The following PLCL1 variants were observed in gnomAD, a reference collection of about 807,000 sequenced individuals.
PLCL1 encodes inactive phospholipase C-like protein 1.
In PLCL1, 41 loss-of-function variants were observed where a neutral mutation model predicts 84.4. That is an observed-to-expected ratio of 0.49 (90% CI 0.38 to 0.63). The LOEUF is 0.63. Among genes scored for constraint, PLCL1 ranks in the 30% least tolerant of loss-of-function variants. The pLI is 0.00. For missense variants in PLCL1, 1,206 were observed against 1,367.8 expected (o/e 0.88, Z 1.87); for synonymous variants, 490 against 488.3 (o/e 1.00, Z -0.05).
intron 1 of PLCL1, among the ~76,000 whole-genome samples, chr2:197,998,541 T>C (rs1690523500): frequency 6.6e-6 from 1 of 152,160 alleles, no homozygotes; most frequent in South Asian, 2.1e-4. Context: ...CCACTCGAAC[T>C]ACTTCCTCTC....
chr2:197,962,275 C>T lies in PLCL1; in HGVS notation c.241-121483C>T, dbSNP rs77611317. Among the ~76,000 whole-genome samples, 1,454 of 152,126 alleles carry T rather than the reference C, an allele frequency of 9.6e-3. 28 individuals carry two copies. Among genetic ancestry groups the T allele is most frequent in the African/African-American group, 0.033 (1,383 of 41,534 alleles). The stretch of plus-strand genomic sequence containing the variant: ...CAGAGTCACCACTTGCAGTTTGGGA[C>T]ATTTAAAGTGGAGTAAAATATAAAT... On this transcript the variant is annotated intron_variant, in intron 1 of 5. Coordinates refer to ENST00000428675, the MANE Select transcript of PLCL1 (RefSeq NM_006226.4).
chr2:198,128,349 G>A (rs991933022), intron 5 of PLCL1, among the ~76,000 whole-genome samples: 1 of 152,112 alleles, frequency 6.6e-6, no homozygotes, highest in Non-Finnish European at 1.5e-5. Context: ...AATTCGCACA[G>A]AGCCAGCTGT....
At chr2:198,038,558 A>AAG (rs1691594427) in intron 1 of PLCL1, among the ~76,000 whole-genome samples, 1 of 152,134 alleles carries the variant, frequency 6.6e-6, no homozygotes, top group Non-Finnish European at 1.5e-5. Flanking sequence ...ATGTTCTCTT[A>AAG]GGCTTGGTCC....
chr2:197,825,089 G>C lies in PLCL1; in HGVS notation c.240+19750G>C, dbSNP rs537275617. 7.2e-5 allele frequency among the ~76,000 whole-genome samples: 11 copies of C among 152,244 alleles called. No homozygotes were observed. In the East Asian group the frequency reaches 2.1e-3, roughly 29 times the overall value. On this transcript the variant is annotated intron_variant, in intron 1 of 5. Transcript: ENST00000428675. Reference sequence around the variant, plus strand: ...GCCTTAGGTGTTTGTCACCTGCCAGGTTCTCGTGGGTAAGACACAAGTCAG... The same window carrying C: ...GCCTTAGGTGTTTGTCACCTGCCAGCTTCTCGTGGGTAAGACACAAGTCAG...
At chr2:197,807,777 A>T (rs1334846965) in intron 1 of PLCL1, among the ~76,000 whole-genome samples, 5 of 152,242 alleles carry the variant, frequency 3.3e-5, no homozygotes, top group Non-Finnish European at 7.3e-5. Flanking sequence ...TGTTCCAAAT[A>T]GCTGTAGTGC....
chr2:198,109,785 T>C (rs1329686302), intron 5 of PLCL1, among the ~76,000 whole-genome samples: 2 of 151,874 alleles, frequency 1.3e-5, no homozygotes, highest in East Asian at 3.9e-4. Flanking sequence ...GGGAGCATTT[T>C]AGTGAGCTTT....
In PLCL1 at chr2:197,833,610, CAA is replaced by C. The variant is rs377065593; in HGVS notation, c.240+28272_240+28273del. Among the ~76,000 whole-genome samples, 36 of 152,246 alleles carry C rather than the reference CAA, an allele frequency of 2.4e-4. 1 individual carries two copies. In the East Asian group the frequency reaches 5.8e-3, roughly 25 times the overall value. On this transcript the variant is annotated intron_variant, in intron 1 of 5. Transcript: ENST00000428675. ...AAAAAGAATAAAATACACAGGAATACAACTTACAAGGGATGTGAAGGACCTCT... is the reference window on the plus strand; with the variant it reads ...AAAAAGAATAAAATACACAGGAATACCTTACAAGGGATGTGAAGGACCTCT...
chr2:197,913,260 C>T (rs1480046305), intron 1 of PLCL1, among the ~76,000 whole-genome samples: 1 of 152,184 alleles, frequency 6.6e-6, no homozygotes, highest in East Asian at 1.9e-4. Context: ...TATTTGGACT[C>T]CAAGGGCCAG....
chr2:197,943,564 C>T (rs888728444), intron 1 of PLCL1, among the ~76,000 whole-genome samples: 6 of 149,678 alleles, frequency 4.0e-5, no homozygotes, highest in Non-Finnish European at 7.4e-5. Context: ...AAACCTTATA[C>T]TTCCTATACC....
intron 1 of PLCL1, among the ~76,000 whole-genome samples, chr2:197,867,605 T>C (rs1368146992): frequency 6.6e-6 from 1 of 152,156 alleles, no homozygotes; most frequent in Non-Finnish European, 1.5e-5. Context: ...AATGAGAACT[T>C]TCATATGCTA....
intron 1 of PLCL1, among the ~76,000 whole-genome samples, chr2:197,909,454 C>T (rs767975927): frequency 8.5e-5 from 13 of 152,120 alleles, no homozygotes; most frequent in East Asian, 1.9e-4. Flanking sequence ...TAGGTGTTCT[C>T]GGTCATTCCC....
chr2:198,003,444 C>T (rs780371039), intron 1 of PLCL1, among the ~76,000 whole-genome samples: 1 of 152,180 alleles, frequency 6.6e-6, no homozygotes, highest in Non-Finnish European at 1.5e-5. Context: ...ATCCTTGGAC[C>T]TGTCACATCT....
chr2:198,118,830 G>C (rs1693804286), intron 5 of PLCL1, among the ~76,000 whole-genome samples: 2 of 151,914 alleles, frequency 1.3e-5, no homozygotes, highest in East Asian at 1.9e-4. Flanking sequence ...GCATTTTTCT[G>C]TCTCTAACCT....
chr2:197,873,645 T>A (rs1019015260), intron 1 of PLCL1, among the ~76,000 whole-genome samples: 1 of 152,124 alleles, frequency 6.6e-6, no homozygotes, highest in Non-Finnish European at 1.5e-5. Context: ...CGGTCTACAA[T>A]GTCATACAGC....
intron 1 of PLCL1, among the ~76,000 whole-genome samples, chr2:198,042,824 G>A (rs1484246077): frequency 6.6e-6 from 1 of 152,146 alleles, no homozygotes; most frequent in Non-Finnish European, 1.5e-5. Context: ...GATGCCACCA[G>A]TTATTTGAGA....
At chr2:197,964,983 G>A (rs1426721412) in intron 1 of PLCL1, among the ~76,000 whole-genome samples, 1 of 151,922 alleles carries the variant, frequency 6.6e-6, no homozygotes, top group Non-Finnish European at 1.5e-5. Context: ...TGGTTTGATA[G>A]CATTTTATTG....
chr2:197,952,064 A>T (rs1181376530), intron 1 of PLCL1, among the ~76,000 whole-genome samples: 2 of 152,154 alleles, frequency 1.3e-5, no homozygotes, highest in Non-Finnish European at 2.9e-5. Flanking sequence ...AACTGAGCAA[A>T]CAAGTCCTTT....
chr2:198,041,556 G>A (rs1300225690), intron 1 of PLCL1, among the ~76,000 whole-genome samples: 1 of 152,158 alleles, frequency 6.6e-6, no homozygotes, highest in African/African-American at 2.4e-5. Flanking sequence ...CATGGTTCAA[G>A]TCTTCATGTA....
At chr2:198,061,614 A>ATTG (rs1692203385) in intron 1 of PLCL1, among the ~76,000 whole-genome samples, 2 of 151,594 alleles carry the variant, frequency 1.3e-5, no homozygotes, top group African/African-American at 4.8e-5. Flanking sequence ...TATTATTATT[A>ATTG]TTTTGAGACA....
Sources: allele counts gnomAD v4.1 joint callset (sites outside exome capture counted in the v4.1 genomes callset), GRCh38; gene constraint gnomAD v4.1.1; transcripts MANE v1.5; gene names NCBI Gene and HGNC (gene_info 2026-07-23, HGNC 2026-07-21).